Variants in GDAP1 observed in about 807,000 individuals in gnomAD.
The protein encoded by GDAP1 is ganglioside induced differentiation associated protein 1.
In GDAP1, 34 loss-of-function variants were observed where a neutral mutation model predicts 40.1. The ratio of observed to expected loss-of-function variants is 0.85; its 90% CI spans 0.64 to 1.13. The LOEUF is 1.13. GDAP1 is among the 50% of genes most tolerant of loss of function. GDAP1 has a pLI of 0.00. For synonymous variants in GDAP1, 170 were observed against 157.4 expected, an observed-to-expected ratio of 1.08 and a Z score of -0.60; for missense variants, 374 against 433.7, an observed-to-expected ratio of 0.86 and a Z score of 1.22.
In GDAP1 at chr8:74,362,784, CTT is replaced by C. The variant is rs1284434868; in HGVS notation, c.580-136_580-135del. Among the ~76,000 whole-genome samples, 466 of 60,434 alleles carry C rather than the reference CTT, an allele frequency of 7.7e-3. 3 individuals are homozygous for C. The highest frequency in any genetic ancestry group is 0.035 in the Middle Eastern group (3 of 86). The allele number at this position is 60,434 out of a possible 152,430, so 39.6% of individuals were successfully genotyped here. On this transcript the variant is annotated intron_variant, in intron 4 of 5. Transcript: ENST00000220822. ...CCCTTCAACTTAGCTCTCTCTCTCT[CTT>C]TTTTTTTTTTTTTTTTTTGCTGAGT...
intron 2 of GDAP1, among the ~76,000 whole-genome samples, chr8:74,471,861 T>C (rs188273635): frequency 1.3e-3 from 203 of 152,314 alleles, no homozygotes; most frequent in Non-Finnish European, 2.3e-3. Context: ...TTCCTTAATA[T>C]TGCTGAGTAG....
intron 2 of GDAP1, among the ~76,000 whole-genome samples, chr8:74,482,119 T>TC (rs1491520772): frequency 1.4e-5 from 1 of 70,648 alleles, no homozygotes; most frequent in African/African-American, 3.4e-5. Flanking sequence ...GGTTTTTTTT[T>TC]GGGGGGGGGG....
chr8:74,375,580 G>T (rs911891590), intron 2 of GDAP1, among the ~76,000 whole-genome samples: 1 of 152,092 alleles, frequency 6.6e-6, no homozygotes, highest in African/African-American at 2.4e-5. Context: ...ATAAAATTCA[G>T]CACATATTCA....
intron 2 of GDAP1, among the ~76,000 whole-genome samples, chr8:74,447,318 G>A (rs933596693): frequency 2.0e-5 from 3 of 152,052 alleles, no homozygotes; most frequent in Non-Finnish European, 4.4e-5. Flanking sequence ...TTGCTGTGAA[G>A]TTGGTAATTA....
intron 2 of GDAP1, among the ~76,000 whole-genome samples, chr8:74,416,963 G>A (rs941400687): frequency 4.4e-5 from 6 of 137,222 alleles, no homozygotes; most frequent in Non-Finnish European, 9.0e-5. Context: ...ATAGTGCACT[G>A]CTGGGCTTGG....
At chr8:74,394,200 C>G (rs554380931) in intron 2 of GDAP1, among the ~76,000 whole-genome samples, 2 of 152,264 alleles carry the variant, frequency 1.3e-5, no homozygotes, top group African/African-American at 4.8e-5. Context: ...GGGAAACTCC[C>G]CTTTTTAAAA....
Position 74,365,499 on chromosome 8 carries a change from A to G in GDAP1, c.*1132A>G, listed in dbSNP as rs1158268394. ...TGCAACAAATGGTTTGTGCTCAGAA[A>G]AAGTCTTTCATGGTGACAGGAAGAC... On this transcript the variant is annotated 3_prime_UTR_variant, in exon 6 of 6. Transcript: ENST00000220822. 4.4e-6 allele frequency: 2 copies of G among 454,166 alleles called. No homozygotes were observed. Among genetic ancestry groups the G allele is most frequent in the Non-Finnish European group, 8.8e-6 (2 of 226,764 alleles). The allele number at this position is 454,166 out of a possible 1,614,324, so 28.1% of individuals were successfully genotyped here. A position where few individuals can be genotyped will look rare whatever the true frequency, so the allele number is the denominator to read the frequency against.
rs1810207993 is a variant in GDAP1, at chr8:74,396,801, TG to T, written c.165+45481del. Among the ~76,000 whole-genome samples the T allele has an allele frequency of 2.0e-5, 3 of 152,330 alleles. No individual in the cohort carries two copies. In the East Asian group the frequency reaches 5.8e-4, roughly 29 times the overall value. Reference sequence around the variant, plus strand: ...TCCAAGTCTTTGCTATTGTGAATAGTGCCGCAATAAACATATGTGTGCATGT... The same window carrying T: ...TCCAAGTCTTTGCTATTGTGAATAGTCCGCAATAAACATATGTGTGCATGT... On this transcript the variant is annotated intron_variant, in intron 2 of 2. Transcript: ENST00000523640.
chr8:74,480,580 A>G (rs557896897), intron 2 of GDAP1, among the ~76,000 whole-genome samples: 38 of 152,322 alleles, frequency 2.5e-4, no homozygotes, highest in Middle Eastern at 3.4e-3. Context: ...TGGTATTGTC[A>G]TTGTCAGTCA....
chr8:74,396,534 T>A (rs1468627775), intron 2 of GDAP1, among the ~76,000 whole-genome samples: 1 of 139,402 alleles, frequency 7.2e-6, no homozygotes, highest in Non-Finnish European at 1.5e-5. Context: ...GTCCCCAGAG[T>A]GTGATGTTCC....
chr8:74,400,942 C>T (rs1251941332), intron 2 of GDAP1, among the ~76,000 whole-genome samples: 1 of 150,004 alleles, frequency 6.7e-6, no homozygotes, highest in South Asian at 2.1e-4. Flanking sequence ...TGATGGGCTT[C>T]CCTTTGTGGG....
At chr8:74,359,033 G>A (rs1226932732) in intron 2 of GDAP1, among the ~76,000 whole-genome samples, 1 of 152,208 alleles carries the variant, frequency 6.6e-6, no homozygotes, top group Non-Finnish European at 1.5e-5. Flanking sequence ...AAGAGATTCT[G>A]AAGGGACATA....
At chr8:74,412,615 T>C (rs1055833057) in intron 2 of GDAP1, among the ~76,000 whole-genome samples, 1 of 150,002 alleles carries the variant, frequency 6.7e-6, no homozygotes, top group African/African-American at 2.5e-5. Context: ...AACATTACTG[T>C]CAATCTAGAA....
At chr8:74,383,966 G>T (rs77670837) in intron 2 of GDAP1, among the ~76,000 whole-genome samples, 1 of 152,008 alleles carries the variant, frequency 6.6e-6, no homozygotes, top group Non-Finnish European at 1.5e-5. Context: ...TACATAACAC[G>T]CATGAATTCA....
intron 2 of GDAP1, among the ~76,000 whole-genome samples, chr8:74,359,311 T>A (rs1362893989): frequency 6.6e-6 from 1 of 152,192 alleles, no homozygotes; most frequent in African/African-American, 2.4e-5. Context: ...ATGTATTCAT[T>A]GTAATTTATT....
intron 2 of GDAP1, among the ~76,000 whole-genome samples, chr8:74,402,856 GAT>G (rs1810371816): frequency 6.7e-6 from 1 of 150,176 alleles, no homozygotes; most frequent in Non-Finnish European, 1.5e-5. Context: ...TATTTGTCAA[GAT>G]ATATCTGAAC....
intron 2 of GDAP1, among the ~76,000 whole-genome samples, chr8:74,425,536 A>C (rs1805936508): frequency 6.6e-6 from 1 of 152,192 alleles, no homozygotes; most frequent in Non-Finnish European, 1.5e-5. Flanking sequence ...AATTACCCTT[A>C]TCTGATGAAA....
At chr8:74,391,956 T>C (rs1159582628) in intron 2 of GDAP1, among the ~76,000 whole-genome samples, 2 of 152,186 alleles carry the variant, frequency 1.3e-5, no homozygotes, top group Non-Finnish European at 2.9e-5. Context: ...GTAGCTGGGA[T>C]TACAGGCATG....
At chr8:74,359,294 T>A (rs1305392303) in intron 2 of GDAP1, among the ~76,000 whole-genome samples, 1 of 152,202 alleles carries the variant, frequency 6.6e-6, no homozygotes. Flanking sequence ...TAATTGGAAA[T>A]TTTGGAATGT....
Sources: allele counts gnomAD v4.1 joint callset (sites outside exome capture counted in the v4.1 genomes callset), GRCh38; gene constraint gnomAD v4.1.1; transcripts MANE v1.5; gene names NCBI Gene and HGNC (gene_info 2026-07-23, HGNC 2026-07-21).